Variants in NAPB observed in about 807,000 individuals in gnomAD.
The protein encoded by NAPB is NSF attachment protein beta, also known as beta-soluble NSF attachment protein.
NAPB carries 26 observed loss-of-function variants against 44.7 expected under a neutral mutation model. That is an observed-to-expected ratio of 0.58 (90% CI 0.43 to 0.81). The LOEUF is 0.81. Among genes scored for constraint, NAPB ranks in the 30% least tolerant of loss-of-function variants. The probability of loss-of-function intolerance (pLI) is 0.00; values close to 1 mark genes in which losing one functional copy is unlikely to be tolerated. For synonymous variants in NAPB, 120 were observed against 116.8 expected (o/e 1.03, Z -0.18); for missense variants, 315 against 356.4 (o/e 0.88, Z 0.94).
chr20:23,420,592 C>T (rs901251675), intron 1 of NAPB, among the ~76,000 whole-genome samples: 2 of 152,170 alleles, frequency 1.3e-5, no homozygotes, highest in African/African-American at 2.4e-5. Context: ...GCGCGCCTCA[C>T]CCGGACCGGT....
chr20:23,387,386 A>T (rs1983608067), intron 7 of NAPB, among the ~76,000 whole-genome samples: 1 of 152,232 alleles, frequency 6.6e-6, no homozygotes, highest in Non-Finnish European at 1.5e-5. Context: ...TGGAGATTCT[A>T]GCCAGGGCAA....
chr20:23,381,493 A>G (rs1463581463), intron 7 of NAPB, among the ~76,000 whole-genome samples, 176 bp from the exon 8 acceptor site: 1 of 152,228 alleles, frequency 6.6e-6, no homozygotes, highest in Non-Finnish European at 1.5e-5. Context: ...AGACCATTAA[A>G]TACATGAAGT....
chr20:23,397,027 T>C, intron 3 of NAPB, 45 bp downstream of exon 3: 2 of 1,580,094 alleles, frequency 1.3e-6, no homozygotes. Context: ...TACTGACTGG[T>C]TAGTTACACA....
At chr20:23,378,946 G>A (rs1982768437) in intron 10 of NAPB, 2 of 134,810 alleles carry the variant, frequency 1.5e-5, no homozygotes, top group Non-Finnish European at 3.2e-5. Context: ...AGCCTCCCGA[G>A]TAGCTGGGAC....
Position 23,421,390 on chromosome 20 carries a change from C to A in NAPB, c.13G>T (p.Gly5Trp). The change falls in exon 1 of 11, where the codon GGG becomes TGG. Residue 5 changes from glycine (G) to tryptophan (W), a missense_variant. Around this residue, in one of 3 missense-constraint regions of NAPB, gnomAD observed 179 missense variants for 182.5 expected, o/e 0.98. Transcript: ENST00000377026. ...AGCTGTACTGCCTCACGCTCCTTCCCCGCGTTGTCCATGTCGCCCGCCGCG... is the reference window on the plus strand; with the variant it reads ...AGCTGTACTGCCTCACGCTCCTTCCACGCGTTGTCCATGTCGCCCGCCGCG... MDNA[G>W]KEREAVQLMA... The A allele has an allele frequency of 6.5e-7, 1 of 1,547,246 alleles. No individual in the cohort carries two copies. The highest frequency in any genetic ancestry group is 8.7e-7 in the Non-Finnish European group (1 of 1,146,096).
chr20:23,397,044 T>G lies in NAPB; in HGVS notation c.295+28A>C, dbSNP rs779402053. ...CTGACTGGTTAGTTACACACAGAGA[T>G]AGCATGCTACATGCCTGGCTGTCTT... is the stretch of plus-strand genomic sequence containing the variant. On this transcript the variant is annotated intron_variant, in intron 3 of 10. Transcript: ENST00000377026. 5.6e-6 allele frequency: 9 copies of G among 1,604,978 alleles called. No individual in the cohort carries two copies. In the East Asian group the frequency reaches 6.7e-5, roughly 12 times the overall value.
chr20:23,389,996 A>G lies in NAPB; in HGVS notation c.511T>C (p.Tyr171His), dbSNP rs1476463150. The G allele has an allele frequency of 2.5e-6, 4 of 1,614,194 alleles. No individual in the cohort carries two copies. Among genetic ancestry groups the G allele is most frequent in the Non-Finnish European group, 3.4e-6 (4 of 1,180,016 alleles). Reference protein sequence around the residue: ...ANKCLLKVAAYAAQLEQYQKA... With the variant: ...ANKCLLKVAAHAAQLEQYQKA... The stretch of plus-strand genomic sequence containing the variant: ...TGGTACTGCTCAAGCTGGGCAGCAT[A>G]TGCTGCCACCTTCAGCAGACACTTG... The change falls in exon 7 of 11, where the codon TAT (tyrosine) becomes CAT (histidine). Residue 171 changes from tyrosine to histidine, a missense_variant. Tyr to His is a moderately conservative substitution (Grantham distance 83, BLOSUM62 2). Around this residue, in one of 3 missense-constraint regions of NAPB, gnomAD observed 16 missense variants for 43.4 expected, o/e 0.37. Transcript: ENST00000377026.
intron 1 of NAPB, among the ~76,000 whole-genome samples, chr20:23,417,083 CTTTTT>C (rs567478910): frequency 1.5e-5 from 2 of 134,210 alleles, no homozygotes; most frequent in Non-Finnish European, 3.2e-5. Flanking sequence ...CACTGGCATT[CTTTTT>C]TTTTTTTTTT....
intron 1 of NAPB, among the ~76,000 whole-genome samples, chr20:23,414,519 A>G (rs969282039): frequency 6.6e-6 from 1 of 152,222 alleles, no homozygotes; most frequent in African/African-American, 2.4e-5. Flanking sequence ...ATACAACACT[A>G]ATCCCTAATG....
chr20:23,382,903 C>A (rs543257113), intron 7 of NAPB, among the ~76,000 whole-genome samples: 2 of 152,214 alleles, frequency 1.3e-5, no homozygotes, highest in East Asian at 3.9e-4. Context: ...GCCTGTAATC[C>A]CAGCACTGTG....
At chr20:23,394,345 C>T (rs1984194132) in intron 5 of NAPB, among the ~76,000 whole-genome samples, 1 of 152,242 alleles carries the variant, frequency 6.6e-6, no homozygotes, top group Non-Finnish European at 1.5e-5. Context: ...AAATTGCTCA[C>T]AGGTTGTAGA....
chr20:23,406,105 C>A (rs1488289958), intron 1 of NAPB, among the ~76,000 whole-genome samples: 1 of 152,106 alleles, frequency 6.6e-6, no homozygotes, highest in Admixed American at 6.5e-5. Flanking sequence ...TCTCTTCTAC[C>A]ATGTGAAGAC....
Position 23,405,459 on chromosome 20 carries a change from C to T in NAPB, c.99-2387G>A, listed in dbSNP as rs6048786. 7.5e-3 allele frequency among the ~76,000 whole-genome samples: 1,146 copies of T among 152,328 alleles called. 13 individuals are homozygous for T. Among genetic ancestry groups the T allele is most frequent in the African/African-American group, 0.025 (1,057 of 41,582 alleles). On this transcript the variant is annotated intron_variant, in intron 1 of 10. Transcript: ENST00000377026. ...AAAAGTGGCCAGGCACAGTGGCTCA[C>T]GCCTGTAATCCCAGCGCTTTGGGAG... is the stretch of plus-strand genomic sequence containing the variant.
chr20:23,386,776 C>T (rs1337391325), intron 7 of NAPB, among the ~76,000 whole-genome samples: 1 of 152,208 alleles, frequency 6.6e-6, no homozygotes, highest in Non-Finnish European at 1.5e-5. Context: ...TCTCCTAGAC[C>T]TTGACCTATG....
chr20:23,376,621 AGTGAAAAC>A lies in NAPB; in HGVS notation c.*747_*754del, dbSNP rs1392286938. Reference sequence around the variant, plus strand: ...TAAAGGGATTTCCACTCCAACTAAAAGTGAAAACTATCTCCAGAAAAAGAGAAAAATTC... The same window carrying A: ...TAAAGGGATTTCCACTCCAACTAAAATATCTCCAGAAAAAGAGAAAAATTC... On this transcript the variant is annotated 3_prime_UTR_variant, in exon 11 of 11. Transcript: ENST00000377026. 1 of 152,262 alleles carries A rather than the reference AGTGAAAAC, an allele frequency of 6.6e-6. No homozygotes were observed. Among genetic ancestry groups the A allele is most frequent in the Non-Finnish European group, 1.5e-5 (1 of 68,038 alleles). 9.4% of individuals were successfully genotyped at this position (152,262 alleles called of 1,614,324 possible). A position where few individuals can be genotyped will look rare whatever the true frequency, so the allele number is the denominator to read the frequency against.
intron 2 of NAPB, among the ~76,000 whole-genome samples, chr20:23,398,708 G>A (rs1984574957): frequency 6.6e-6 from 1 of 151,874 alleles, no homozygotes; most frequent in South Asian, 2.1e-4. Context: ...GCTGGGCATT[G>A]TGGCAGGTGC....
rs1440866600 is a variant in NAPB, at chr20:23,421,286, C to T, written c.98+19G>A. The T allele has an allele frequency of 6.5e-7, 1 of 1,534,992 alleles. No individual in the cohort carries two copies. Among genetic ancestry groups the T allele is most frequent in the South Asian group, 1.2e-5 (1 of 83,584 alleles). ...ACGGAGACCCCCCCCCCCCAGGGCACGCACGGTCTGGCGCTCACCCAAACA... is the reference window on the plus strand; with the variant it reads ...ACGGAGACCCCCCCCCCCCAGGGCATGCACGGTCTGGCGCTCACCCAAACA... On this transcript the variant is annotated intron_variant, in intron 1 of 10. Transcript: ENST00000377026.
rs1481712064 is a variant in NAPB, at chr20:23,406,268, T to C, written c.99-3196A>G. On this transcript the variant is annotated intron_variant, in intron 1 of 10. Coordinates refer to ENST00000377026, the MANE Select transcript of NAPB (RefSeq NM_022080.3). ...GCAGCGCAAAGCAGGCAAAGACATC[T>C]AGAGGTGGGAGTGTTGGGGAAAAGC... 3.9e-5 allele frequency among the ~76,000 whole-genome samples: 6 copies of C among 152,146 alleles called. No homozygotes were observed. In the South Asian group the frequency reaches 1.0e-3, roughly 26 times the overall value.
chr20:23,397,595 T>A (rs1445591362), intron 2 of NAPB, among the ~76,000 whole-genome samples: 1 of 130,370 alleles, frequency 7.7e-6, no homozygotes, highest in African/African-American at 4.0e-5. Flanking sequence ...CACTTTTCTA[T>A]CTTAGTGTCT....
Sources: allele counts gnomAD v4.1 joint callset (sites outside exome capture counted in the v4.1 genomes callset), GRCh38; gene constraint gnomAD v4.1.1; regional missense constraint gnomAD v4.1.1; transcripts MANE v1.5; gene names NCBI Gene and HGNC (gene_info 2026-07-23, HGNC 2026-07-21).